OPCML: variants seen among roughly 807,000 people sequenced by gnomAD.
OPCML encodes opioid binding protein/cell adhesion molecule like.
A neutral mutation model predicts 37.8 loss-of-function variants in OPCML; 13 were observed. The observed-to-expected ratio is 0.34, with a 90% CI of 0.22 to 0.55. The LOEUF is 0.55. Ranked by LOEUF, OPCML falls within the 20% of genes least tolerant of loss-of-function variation. The probability of loss-of-function intolerance (pLI) is 0.91; values close to 1 mark genes in which losing one functional copy is unlikely to be tolerated. For synonymous variants in OPCML, 176 were observed against 168.8 expected (o/e 1.04, Z -0.33); for missense variants, 341 against 435.6 (o/e 0.78, Z 1.93).
At chr11:132,462,916 C>T (rs1218082338) in intron 4 of OPCML, among the ~76,000 whole-genome samples, 1 of 152,126 alleles carries the variant, frequency 6.6e-6, no homozygotes, top group Non-Finnish European at 1.5e-5. Flanking sequence ...AATACCCAGA[C>T]CTTGGGGGAA....
chr11:132,948,009 A>G (rs927659340), intron 1 of OPCML, among the ~76,000 whole-genome samples: 1 of 152,192 alleles, frequency 6.6e-6, no homozygotes, highest in Admixed American at 6.5e-5. Flanking sequence ...TGCTCAACCT[A>G]TACTACTTTT....
intron 2 of OPCML, among the ~76,000 whole-genome samples, chr11:132,881,694 G>A (rs1342076459): frequency 6.6e-6 from 1 of 152,180 alleles, no homozygotes; most frequent in Non-Finnish European, 1.5e-5. Flanking sequence ...CTCTCATAAA[G>A]GATACACCAG....
intron 1 of OPCML, chr11:133,421,170 T>C (rs1945878170): frequency 1.0e-6 from 1 of 985,324 alleles, no homozygotes; most frequent in Non-Finnish European, 1.2e-6. Flanking sequence ...TTTAGTAAAC[T>C]GTATAATGAT....
chr11:132,467,913 T>C (rs1262667114), intron 4 of OPCML, among the ~76,000 whole-genome samples: 2 of 152,186 alleles, frequency 1.3e-5, no homozygotes, highest in Admixed American at 6.5e-5. Context: ...CAGGGCAAAG[T>C]GTTTGGTGTC....
chr11:132,541,224 C>G (rs570766884), intron 3 of OPCML, among the ~76,000 whole-genome samples: 14 of 152,280 alleles, frequency 9.2e-5, no homozygotes, highest in Admixed American at 2.6e-4. Flanking sequence ...TTCCGGCCTT[C>G]CTGGAGCGAG....
chr11:132,751,690 T>G (rs780155453), intron 2 of OPCML, among the ~76,000 whole-genome samples: 8 of 152,154 alleles, frequency 5.3e-5, no homozygotes, highest in Non-Finnish European at 1.2e-4. Flanking sequence ...AGGGAGCTAT[T>G]GAGTGGCAGA....
At chr11:132,760,778 G>T (rs904324067) in intron 2 of OPCML, among the ~76,000 whole-genome samples, 2 of 151,986 alleles carry the variant, frequency 1.3e-5, no homozygotes, top group Non-Finnish European at 2.9e-5. Flanking sequence ...TCTTTTAATT[G>T]GGGCATTTAT....
intron 1 of OPCML, among the ~76,000 whole-genome samples, chr11:133,396,062 G>T (rs958668729): frequency 2.6e-5 from 4 of 151,832 alleles, no homozygotes; most frequent in East Asian, 1.9e-4. Context: ...AATGTCTTTC[G>T]CCAGCTTTTA....
rs1055869732 is a variant in OPCML at position 132,564,074 on chromosome 11, C to G, written c.380-34888G>C. ...AAAAGTGAGGCTGAGCAGCATGAAG[C>G]CATCTGACAAAAATCACGTGGAAAG... is the stretch of plus-strand genomic sequence containing the variant. On this transcript the variant is annotated intron_variant, in intron 3 of 7. Transcript: ENST00000524381. Among the ~76,000 whole-genome samples, 6 of 152,138 alleles carry G rather than the reference C, an allele frequency of 3.9e-5. 1 individual carries two copies. The highest frequency in any genetic ancestry group is 3.9e-4 in the Admixed American group (6 of 15,276).
At chr11:133,286,599 G>C (rs1451921967) in intron 1 of OPCML, among the ~76,000 whole-genome samples, 1 of 152,012 alleles carries the variant, frequency 6.6e-6, no homozygotes, top group Non-Finnish European at 1.5e-5. Flanking sequence ...AACTGACCGA[G>C]TCTTGCGGGC....
chr11:132,625,014 C>A (rs1939653668), intron 3 of OPCML, among the ~76,000 whole-genome samples: 1 of 152,132 alleles, frequency 6.6e-6, no homozygotes, highest in African/African-American at 2.4e-5. Flanking sequence ...AAAGACCCAA[C>A]TTCAACACTT....
At chr11:132,529,655 A>G (rs565475893) in intron 3 of OPCML, among the ~76,000 whole-genome samples, 9 of 152,202 alleles carry the variant, frequency 5.9e-5, no homozygotes, top group Non-Finnish European at 8.8e-5. Context: ...TGAGTATCCC[A>G]GACCCTTTTA....
intron 1 of OPCML, among the ~76,000 whole-genome samples, chr11:133,338,221 C>T (rs1943784923): frequency 6.6e-6 from 1 of 152,128 alleles, no homozygotes; most frequent in Non-Finnish European, 1.5e-5. Flanking sequence ...GCCTCAGACA[C>T]TTAATTCATC....
chr11:133,066,775 C>G (rs1280948622), intron 1 of OPCML: 1 of 152,266 alleles, frequency 6.6e-6, no homozygotes, highest in Non-Finnish European at 1.5e-5. Context: ...CTCCTGGGTT[C>G]AAACCATTCT....
chr11:133,005,204 C>A, intron 1 of OPCML: 1 of 985,426 alleles, frequency 1.0e-6, no homozygotes, highest in Non-Finnish European at 1.2e-6. Context: ...CATATCCCCA[C>A]TGCCAACCAC....
At chr11:132,815,340 G>A (rs1939571227) in intron 2 of OPCML, among the ~76,000 whole-genome samples, 1 of 152,172 alleles carries the variant, frequency 6.6e-6, no homozygotes, top group Non-Finnish European at 1.5e-5. Flanking sequence ...TAATTCAGAT[G>A]GCAGGGACCT....
intron 1 of OPCML, among the ~76,000 whole-genome samples, chr11:133,141,236 C>T (rs979801326): frequency 5.3e-5 from 8 of 151,912 alleles, no homozygotes; most frequent in African/African-American, 7.3e-5. Flanking sequence ...GCCGGGCTCT[C>T]GCATGAGGCC....
chr11:132,765,386 C>G (rs535630257), intron 2 of OPCML, among the ~76,000 whole-genome samples: 1 of 152,318 alleles, frequency 6.6e-6, no homozygotes, highest in African/African-American at 2.4e-5. Context: ...CTCCCAGGAA[C>G]TTTGGAAATT....
At chr11:133,126,079 AC>A (rs1949509835) in intron 1 of OPCML, among the ~76,000 whole-genome samples, 3 of 150,922 alleles carry the variant, frequency 2.0e-5, no homozygotes, top group Non-Finnish European at 4.4e-5. Context: ...ATACACACAC[AC>A]ACACACACAC....
Sources: gnomAD v4.1 joint callset for allele counts (sites outside exome capture counted in the v4.1 genomes callset) on GRCh38, gnomAD v4.1.1 for gene constraint, MANE v1.5 for transcripts, NCBI Gene and HGNC (gene_info 2026-07-23, HGNC 2026-07-21) for gene names.